Variants in CUX1 observed in about 807,000 individuals in gnomAD.
The protein encoded by CUX1 is cut like homeobox 1, also known as protein CASP.
A neutral mutation model predicts 158.8 loss-of-function variants in CUX1; 31 were observed. The observed-to-expected ratio is 0.20, with a 90% CI of 0.15 to 0.26. The LOEUF (loss-of-function observed/expected upper bound fraction) is 0.26, where lower values mean the gene tolerates loss of function less well. Ranked by LOEUF, CUX1 falls within the 10% of genes least tolerant of loss-of-function variation. The pLI is 1.00. For synonymous variants in CUX1, 879 were observed against 862.1 expected (o/e 1.02, Z -0.34); for missense variants, 1,589 against 2,014.6 (o/e 0.79, Z 4.04).
At chr7:102,238,665 C>T (rs1175749580) in intron 22 of CUX1, among the ~76,000 whole-genome samples, 1 of 152,132 alleles carries the variant, frequency 6.6e-6, no homozygotes, top group Non-Finnish European at 1.5e-5. Context: ...CAGGCCTGGC[C>T]GAGGAACTCT....
chr7:102,042,425 C>A (rs1293122227), intron 3 of CUX1, among the ~76,000 whole-genome samples: 2 of 152,216 alleles, frequency 1.3e-5, no homozygotes, highest in Non-Finnish European at 2.9e-5. Flanking sequence ...CTGTGACTCT[C>A]TCTGCCCACT....
chr7:102,204,625 C>T (rs985342594), intron 19 of CUX1, 69 bp downstream of exon 19: 2 of 1,570,078 alleles, frequency 1.3e-6, no homozygotes, highest in Admixed American at 1.8e-5. Flanking sequence ...AGCAGCCCCA[C>T]CTGGGCTATG....
chr7:102,244,266 TTTC>T (rs1297091488), intron 23 of CUX1, among the ~76,000 whole-genome samples: 5 of 152,154 alleles, frequency 3.3e-5, no homozygotes, highest in Non-Finnish European at 1.5e-5. Flanking sequence ...AAAAGTAGAT[TTTC>T]TTTTCTCCTG....
intron 2 of CUX1, among the ~76,000 whole-genome samples, chr7:101,974,126 G>A (rs940680735): frequency 1.0e-4 from 15 of 150,404 alleles, no homozygotes; most frequent in Middle Eastern, 3.4e-3. Context: ...GCTGGAGTGC[G>A]GTGGCACAAT....
chr7:102,087,520 C>T (rs1230532119), intron 4 of CUX1, among the ~76,000 whole-genome samples: 6 of 152,128 alleles, frequency 3.9e-5, no homozygotes, highest in African/African-American at 1.2e-4. Context: ...ACAAAGGTTG[C>T]GGCGAGCTGA....
At chr7:102,017,903 G>T (rs958948065) in intron 2 of CUX1, among the ~76,000 whole-genome samples, 17 of 152,160 alleles carry the variant, frequency 1.1e-4, no homozygotes, top group African/African-American at 3.6e-4. Context: ...TGTAATTGAT[G>T]TATAGATACA....
chr7:101,893,189 A>C (rs1801090806), intron 1 of CUX1, among the ~76,000 whole-genome samples: 1 of 74,534 alleles, frequency 1.3e-5, no homozygotes, highest in African/African-American at 3.9e-5. Flanking sequence ...TTTTTTTAAA[A>C]TAGAGATGAG....
At chr7:102,221,738 A>T (rs1554527012) in intron 20 of CUX1, among the ~76,000 whole-genome samples, 2 of 16,934 alleles carry the variant, frequency 1.2e-4, no homozygotes, top group South Asian at 2.0e-3. Context: ...AGTGCCTTGT[A>T]AAAAAAAAAA....
intron 20 of CUX1, among the ~76,000 whole-genome samples, chr7:102,219,146 A>G (rs1359547804): frequency 2.0e-5 from 3 of 151,466 alleles, no homozygotes; most frequent in Admixed American, 6.6e-5. Flanking sequence ...ACTAGGTACC[A>G]GAGACTTTGA....
intron 2 of CUX1, among the ~76,000 whole-genome samples, chr7:101,977,164 C>T (rs1047265347): frequency 2.6e-5 from 4 of 151,946 alleles, no homozygotes; most frequent in Admixed American, 1.3e-4. Flanking sequence ...CCTCCCGCCT[C>T]GGCCTCCCAA....
At position 101,888,047 on chromosome 7, in the gene CUX1, A is replaced by T. The variant is rs144254601; in HGVS notation, c.31-28068A>T. ...AGGGTCAATGAGTTCCATAAACATT[A>T]TTGAGGCCGGGTGTGGTGGCTCACG... On this transcript the variant is annotated intron_variant, in intron 1 of 23. Transcript: ENST00000292535. Among the ~76,000 whole-genome samples the T allele has an allele frequency of 2.6e-3, 394 of 152,260 alleles. 2 individuals are homozygous for T. The highest frequency in any genetic ancestry group is 0.014 in the Middle Eastern group (4 of 294).
chr7:102,278,691 AAT>A (rs1554548452), intron 18 of CUX1, among the ~76,000 whole-genome samples: 1 of 146,218 alleles, frequency 6.8e-6, no homozygotes, highest in East Asian at 2.0e-4. Flanking sequence ...AAATAAATAA[AAT>A]AAAATAATAA....
chr7:102,235,384 C>T lies in CUX1; in HGVS notation c.3622+1144C>T, dbSNP rs576394842. ...AGCGGCAGCCTCCCTGATCAGCTAA[C>T]GCAGAGGACCTTAACTAAGAGTGGG... is the stretch of plus-strand genomic sequence containing the variant. On this transcript the variant is annotated intron_variant, in intron 22 of 23. Coordinates refer to ENST00000292535, the MANE Select transcript of CUX1 (RefSeq NM_181552.4). 2.5e-3 allele frequency among the ~76,000 whole-genome samples: 373 copies of T among 152,244 alleles called. 1 individual carries two copies. The highest frequency in any genetic ancestry group is 3.9e-3 in the Non-Finnish European group (268 of 68,010).
chr7:101,816,355 C>G (rs1285023493), upstream of CUX1, among the ~76,000 whole-genome samples: 1 of 144,134 alleles, frequency 6.9e-6, no homozygotes, highest in African/African-American at 2.5e-5. Flanking sequence ...CCGCCGCCGC[C>G]ACCACTGCCC....
intron 1 of CUX1, among the ~76,000 whole-genome samples, chr7:101,894,415 G>A (rs1475797429): frequency 2.0e-5 from 3 of 152,166 alleles, no homozygotes; most frequent in East Asian, 3.9e-4. Flanking sequence ...CTGGGTTCAC[G>A]CTATTCTGCC....
intron 2 of CUX1, among the ~76,000 whole-genome samples, chr7:101,941,638 C>T (rs1430617453): frequency 6.6e-6 from 1 of 152,206 alleles, no homozygotes; most frequent in East Asian, 1.9e-4. Flanking sequence ...CTGGATCCCT[C>T]TCTTCCCTCA....
At chr7:102,245,236 G>A (rs1554536497) in intron 23 of CUX1, among the ~76,000 whole-genome samples, 1 of 152,020 alleles carries the variant, frequency 6.6e-6, no homozygotes, top group African/African-American at 2.4e-5. Context: ...GTAGAGATGG[G>A]GTTTTGCTAT....
chr7:102,049,085 C>G (rs1340645070), intron 3 of CUX1, among the ~76,000 whole-genome samples: 1 of 151,958 alleles, frequency 6.6e-6, no homozygotes, highest in South Asian at 2.1e-4. Flanking sequence ...TTGGCCTTGT[C>G]CCCTGCCTCT....
intron 1 of CUX1, among the ~76,000 whole-genome samples, chr7:101,834,305 C>T (rs1336133586): frequency 3.3e-5 from 5 of 151,146 alleles, no homozygotes; most frequent in Admixed American, 1.3e-4. Context: ...TCCCGAGTAG[C>T]TGGGACTACA....
Sources: allele counts gnomAD v4.1 joint callset (sites outside exome capture counted in the v4.1 genomes callset), GRCh38; gene constraint gnomAD v4.1.1; transcripts MANE v1.5; gene names NCBI Gene and HGNC (gene_info 2026-07-23, HGNC 2026-07-21).